GXYLT2: variants seen among roughly 807,000 people sequenced by gnomAD.
GXYLT2 encodes glycosyltransferase 8 domain containing 4.
In GXYLT2, 53 loss-of-function variants were observed where a neutral mutation model predicts 45.8. That is an observed-to-expected ratio of 1.16 (90% CI 0.93 to 1.46). The LOEUF is 1.46. Among genes scored for constraint, GXYLT2 ranks in the 40% most tolerant of loss-of-function variants. The probability of loss-of-function intolerance (pLI) is 0.00; values close to 1 mark genes in which losing one functional copy is unlikely to be tolerated. For missense variants in GXYLT2, 551 were observed against 544.4 expected (o/e 1.01, Z -0.12); for synonymous variants, 219 against 214.2 (o/e 1.02, Z -0.19).
intron 5 of GXYLT2, among the ~76,000 whole-genome samples, chr3:72,958,468 A>T (rs959190247): frequency 4.0e-5 from 6 of 151,770 alleles, no homozygotes; most frequent in South Asian, 2.1e-4. Flanking sequence ...GTACCTTTTT[A>T]AAAAAAATTC....
chr3:72,934,573 G>A (rs1442477561), intron 3 of GXYLT2, among the ~76,000 whole-genome samples: 1 of 152,152 alleles, frequency 6.6e-6, no homozygotes, highest in Non-Finnish European at 1.5e-5. Flanking sequence ...AGATGGCAAT[G>A]AAGATGAACC....
At position 72,975,383 on chromosome 3, in the gene GXYLT2, A is replaced by G; in HGVS notation, c.*224A>G. ...TTATCTCTAAGGAAAAAAAAAAAAG[A>G]CTATTACTCATTTAACATTGTTTAA... On this transcript the variant is annotated 3_prime_UTR_variant, in exon 7 of 7. Coordinates refer to ENST00000389617, the MANE Select transcript of GXYLT2 (RefSeq NM_001080393.2). The G allele has an allele frequency of 2.6e-6, 1 of 381,084 alleles. No individual in the cohort carries two copies. The allele number at this position is 381,084 out of a possible 1,614,324, so 23.6% of individuals were successfully genotyped here.
Position 72,974,963 on chromosome 3 carries a change from T to G in GXYLT2, c.1150-14T>G. ...TTCCGTTACTAAATAAACTTTTTTT[T>G]TGTCATCTTTCAGTTTCCCTTTCAA... On this transcript the variant is annotated splice_polypyrimidine_tract_variant and intron_variant, in intron 6 of 6. Transcript: ENST00000389617. 6.5e-7 allele frequency: 1 copy of G among 1,528,524 alleles called. No homozygotes were observed. Among genetic ancestry groups the G allele is most frequent in the Non-Finnish European group, 8.8e-7 (1 of 1,134,574 alleles). The allele number at this position is 1,528,524 out of a possible 1,614,324, so 94.7% of individuals were successfully genotyped here.
intron 3 of GXYLT2, among the ~76,000 whole-genome samples, chr3:72,945,247 C>T (rs927237280): frequency 1.3e-5 from 2 of 151,914 alleles, no homozygotes; most frequent in East Asian, 3.9e-4. Flanking sequence ...GAGATCGCGC[C>T]ACTGCACTCC....
intron 3 of GXYLT2, among the ~76,000 whole-genome samples, chr3:72,925,416 A>G (rs1402229113): frequency 2.0e-5 from 3 of 152,132 alleles, no homozygotes; most frequent in Non-Finnish European, 4.4e-5. Flanking sequence ...TCGGCCTCCC[A>G]AAGTGCTGAG....
At chr3:72,935,401 G>A (rs1233525987) in intron 3 of GXYLT2, among the ~76,000 whole-genome samples, 3 of 152,140 alleles carry the variant, frequency 2.0e-5, no homozygotes, top group African/African-American at 7.2e-5. Flanking sequence ...AACAATAGGA[G>A]CTCTGGAAAG....
chr3:72,955,353 A>C lies in GXYLT2; in HGVS notation c.852+4A>C. ...GATAAGAAGTACCCAGTTCAAGGTA[A>C]ACGAGTGCTTTAAAATTCCTTGTTT... On this transcript the variant is annotated splice_donor_region_variant and intron_variant, in intron 4 of 6. Transcript: ENST00000389617. 6.2e-7 allele frequency: 1 copy of C among 1,611,624 alleles called. No individual in the cohort carries two copies. Among genetic ancestry groups the C allele is most frequent in the Non-Finnish European group, 8.5e-7 (1 of 1,178,038 alleles).
chr3:72,917,741 G>A (rs1046492246), intron 2 of GXYLT2, among the ~76,000 whole-genome samples: 1 of 146,388 alleles, frequency 6.8e-6, no homozygotes, highest in African/African-American at 2.5e-5. Flanking sequence ...CTGGGCAACA[G>A]AGTGAGGCCC....
intron 4 of GXYLT2, 73 bp downstream of exon 4, chr3:72,955,422 G>C: frequency 1.3e-6 from 2 of 1,485,814 alleles, no homozygotes. Context: ...CTACCAGAGT[G>C]TCAATATGCT....
intron 5 of GXYLT2, among the ~76,000 whole-genome samples, chr3:72,963,225 C>A (rs1710800475): frequency 6.6e-6 from 1 of 152,086 alleles, no homozygotes; most frequent in African/African-American, 2.4e-5. Flanking sequence ...AATGATCAGG[C>A]ATAAACTAGT....
At chr3:72,917,282 G>A (rs147212665) in intron 2 of GXYLT2, among the ~76,000 whole-genome samples, 2 of 152,198 alleles carry the variant, frequency 1.3e-5, no homozygotes, top group African/African-American at 4.8e-5. Flanking sequence ...ATTTTGGGCT[G>A]TTGTGCGGTG....
intron 5 of GXYLT2, among the ~76,000 whole-genome samples, chr3:72,958,732 G>A (rs1022155122): frequency 7.3e-5 from 11 of 149,892 alleles, no homozygotes; most frequent in African/African-American, 2.0e-4. Context: ...CCTGGGTTCC[G>A]GTAATTCTTC....
Position 72,975,134 on chromosome 3 carries a change from A to T in GXYLT2, c.1307A>T (p.His436Leu). 1 of 1,613,426 alleles carries T rather than the reference A, an allele frequency of 6.2e-7. No individual in the cohort carries two copies. The highest frequency in any genetic ancestry group is 8.5e-7 in the Non-Finnish European group (1 of 1,179,680). ...GCTTATGAGAAACACGTCATCATCC[A>T]TGTTGGCCCCAACCAGATGCACTGA... ...KRAYEKHVIIHVGPNQMH is the reference protein window; with the variant it reads ...KRAYEKHVIILVGPNQMH Residue 436 changes from histidine to leucine, a missense_variant, in exon 7 of 7, where the codon CAT becomes CTT. Coordinates refer to ENST00000389617, the MANE Select transcript of GXYLT2 (RefSeq NM_001080393.2).
In GXYLT2 at chr3:72,888,338, G is replaced by A; in HGVS notation, c.105G>A (p.Leu35=). The change falls in exon 1 of 7, where the codon CTG becomes CTA. Residue 35 remains leucine, a synonymous_variant. Coordinates refer to ENST00000389617, the MANE Select transcript of GXYLT2 (RefSeq NM_001080393.2). ...LRAGRAEPPA[L]PARPASAPQR... Reference sequence around the variant, plus strand: ...CTGGCCGCGCTGAGCCCCCAGCGCTGCCCGCGCGCCCCGCGTCCGCCCCGC... The same window carrying A: ...CTGGCCGCGCTGAGCCCCCAGCGCTACCCGCGCGCCCCGCGTCCGCCCCGC... 1.0e-6 allele frequency: 1 copy of A among 983,954 alleles called. No individual in the cohort carries two copies. The highest frequency in any genetic ancestry group is 1.2e-6 in the Non-Finnish European group (1 of 830,680). 61.0% of individuals were successfully genotyped at this position (983,954 alleles called of 1,614,324 possible). A position where few individuals can be genotyped will look rare whatever the true frequency, so the allele number is the denominator to read the frequency against.
At chr3:72,897,474 ATG>A (rs1709316319) in intron 1 of GXYLT2, among the ~76,000 whole-genome samples, 4 of 152,060 alleles carry the variant, frequency 2.6e-5, no homozygotes, top group African/African-American at 7.3e-5. Flanking sequence ...CTTGAATAAC[ATG>A]TGTTTCCAAT....
intron 2 of GXYLT2, among the ~76,000 whole-genome samples, chr3:72,919,517 G>A (rs1709793950): frequency 6.6e-6 from 1 of 152,224 alleles, no homozygotes; most frequent in African/African-American, 2.4e-5. Context: ...CACTTTGGGA[G>A]GCCAAGGCAT....
chr3:72,914,519 A>G (rs1395356581), intron 2 of GXYLT2, among the ~76,000 whole-genome samples: 1 of 146,854 alleles, frequency 6.8e-6, no homozygotes, highest in Non-Finnish European at 1.5e-5. Context: ...ATATATATTT[A>G]CATATATATG....
intron 3 of GXYLT2, among the ~76,000 whole-genome samples, chr3:72,944,502 G>A (rs1317770964): frequency 2.0e-5 from 3 of 152,022 alleles, no homozygotes; most frequent in Non-Finnish European, 4.4e-5. Context: ...TGATCCGCCC[G>A]CCTCAGCCTC....
At chr3:72,945,616 T>G (rs1710389027) in intron 3 of GXYLT2, among the ~76,000 whole-genome samples, 1 of 152,132 alleles carries the variant, frequency 6.6e-6, no homozygotes, top group African/African-American at 2.4e-5. Flanking sequence ...GGGAAAATCT[T>G]TCTAAGAAGG....
Sources: gnomAD v4.1 joint callset for allele counts (sites outside exome capture counted in the v4.1 genomes callset) on GRCh38, gnomAD v4.1.1 for gene constraint, MANE v1.5 for transcripts, NCBI Gene and HGNC (gene_info 2026-07-23, HGNC 2026-07-21) for gene names.